The following PDE3A variants were observed in gnomAD, a reference collection of about 807,000 sequenced individuals.
PDE3A encodes the protein phosphodiesterase 3A.
PDE3A carries 43 observed loss-of-function variants against 98.3 expected under a neutral mutation model. That is an observed-to-expected ratio of 0.44 (90% CI 0.34 to 0.56). PDE3A has a LOEUF of 0.56. Among genes scored for constraint, PDE3A ranks in the 20% least tolerant of loss-of-function variants. The probability of loss-of-function intolerance (pLI) is 0.01; values close to 1 mark genes in which losing one functional copy is unlikely to be tolerated. For synonymous variants in PDE3A, 663 were observed against 567.9 expected (o/e 1.17, Z -2.38); for missense variants, 1,427 against 1,440.7 (o/e 0.99, Z 0.15).
chr12:20,545,387 C>T (rs1485123869), intron 1 of PDE3A, among the ~76,000 whole-genome samples: 1 of 151,922 alleles, frequency 6.6e-6, no homozygotes, highest in Non-Finnish European at 1.5e-5. Context: ...TTCTCATTCC[C>T]AGTGCTTATG....
At chr12:20,432,256 T>C (rs1233463384) in intron 1 of PDE3A, among the ~76,000 whole-genome samples, 4 of 152,164 alleles carry the variant, frequency 2.6e-5, no homozygotes, top group African/African-American at 9.7e-5. Flanking sequence ...GAATTCTTAC[T>C]ATGTTTCTGG....
At chr12:20,664,669 T>C (rs1945264262) in intron 15 of PDE3A, among the ~76,000 whole-genome samples, 1 of 152,190 alleles carries the variant, frequency 6.6e-6, no homozygotes, top group Non-Finnish European at 1.5e-5. Flanking sequence ...TTTCCTCTTT[T>C]GCTTGACTCT....
intron 15 of PDE3A, among the ~76,000 whole-genome samples, chr12:20,659,161 A>C (rs73238435): frequency 6.6e-6 from 1 of 151,430 alleles, no homozygotes. Flanking sequence ...GAATATCATA[A>C]TTTTTTTTTC....
intron 2 of PDE3A, among the ~76,000 whole-genome samples, chr12:20,591,948 T>G (rs1943348882): frequency 2.0e-5 from 3 of 152,192 alleles, no homozygotes; most frequent in African/African-American, 7.2e-5. Flanking sequence ...TTTTATGCAC[T>G]TCATTATGAT....
intron 1 of PDE3A, among the ~76,000 whole-genome samples, chr12:20,515,051 C>T (rs558520268): frequency 1.3e-3 from 191 of 152,246 alleles, no homozygotes; most frequent in East Asian, 3.9e-4. Flanking sequence ...AAGAGGGGGC[C>T]GAACTCATCC....
intron 1 of PDE3A, among the ~76,000 whole-genome samples, chr12:20,421,115 A>G (rs980466569): frequency 2.0e-5 from 3 of 152,220 alleles, no homozygotes; most frequent in Non-Finnish European, 4.4e-5. Flanking sequence ...GGATAGTTAT[A>G]TTAGACAAAA....
At chr12:20,498,100 A>T (rs903237588) in intron 1 of PDE3A, among the ~76,000 whole-genome samples, 2 of 152,178 alleles carry the variant, frequency 1.3e-5, no homozygotes, top group South Asian at 2.1e-4. Context: ...ACTATATCCT[A>T]TCATTTTTCC....
chr12:20,628,948 A>G (rs1242209499), intron 5 of PDE3A, among the ~76,000 whole-genome samples: 1 of 152,224 alleles, frequency 6.6e-6, no homozygotes, highest in African/African-American at 2.4e-5. Context: ...GATGATGTGA[A>G]GGTGGATGGC....
intron 1 of PDE3A, among the ~76,000 whole-genome samples, chr12:20,547,751 C>A: frequency 6.6e-6 from 1 of 151,906 alleles, no homozygotes; most frequent in East Asian, 1.9e-4. Flanking sequence ...TGAATTTTTT[C>A]TCCCGAGAAG....
chr12:20,506,094 A>G (rs1188809832), intron 1 of PDE3A, among the ~76,000 whole-genome samples: 1 of 111,866 alleles, frequency 8.9e-6, no homozygotes, highest in African/African-American at 4.1e-5. Context: ...GGAACTCTAA[A>G]GGAAGGTGTG....
intron 1 of PDE3A, among the ~76,000 whole-genome samples, chr12:20,448,324 C>T (rs1049242719): frequency 4.6e-5 from 7 of 152,102 alleles, no homozygotes; most frequent in Admixed American, 3.9e-4. Context: ...ACCTGTAATT[C>T]CAGCTACTCA....
intron 1 of PDE3A, among the ~76,000 whole-genome samples, chr12:20,494,695 C>T (rs1182072833): frequency 6.6e-6 from 1 of 152,068 alleles, no homozygotes; most frequent in East Asian, 1.9e-4. Flanking sequence ...TTATTTCCTG[C>T]TTTCCTACTT....
At position 20,685,371 on chromosome 12, in the gene PDE3A, T is replaced by G. The variant is rs1469830010; in HGVS notation, c.*5100T>G. 1.5e-5 allele frequency among the ~76,000 whole-genome samples: 2 copies of G among 134,640 alleles called. No individual in the cohort carries two copies. Among genetic ancestry groups the G allele is most frequent in the Admixed American group, 1.7e-4 (2 of 11,980 alleles). The allele number at this position is 134,640 out of a possible 152,430, so 88.3% of individuals were successfully genotyped here. A position where few individuals can be genotyped will look rare whatever the true frequency, so the allele number is the denominator to read the frequency against. On this transcript the variant is annotated 3_prime_UTR_variant, in exon 16 of 16. Transcript: ENST00000359062. The stretch of plus-strand genomic sequence containing the variant: ...TTATGGTGAGCTGAGATTGCACCAT[T>G]GCACTCCAGCCTGGGCAACAGGAGT...
At position 20,371,684 on chromosome 12, in the gene PDE3A, C is replaced by T. The variant is rs79611692; in HGVS notation, c.960+1440C>T. 1.6e-4 allele frequency among the ~76,000 whole-genome samples: 25 copies of T among 151,998 alleles called. No homozygotes were observed. The East Asian group carries it at 2.1e-3, about 13-fold the overall frequency. On this transcript the variant is annotated intron_variant, in intron 1 of 15. Transcript: ENST00000359062. ...AAATGTAGTTATTTGCTTTTTGTTT[C>T]GATAAAACAAATGTTTCTTGTCTTT...
chr12:20,415,113 C>A (rs1944401318), intron 1 of PDE3A, among the ~76,000 whole-genome samples: 1 of 150,178 alleles, frequency 6.7e-6, no homozygotes, highest in African/African-American at 2.4e-5. Context: ...TTGCTGATTT[C>A]TCCCTTTCTA....
At chr12:20,389,778 C>G (rs1217686860) in intron 1 of PDE3A, among the ~76,000 whole-genome samples, 1 of 151,930 alleles carries the variant, frequency 6.6e-6, no homozygotes, top group East Asian at 1.9e-4. Flanking sequence ...AAATTTAATG[C>G]TCAAATACTG....
chr12:20,591,906 A>C (rs557439226), intron 2 of PDE3A, among the ~76,000 whole-genome samples: 7 of 152,242 alleles, frequency 4.6e-5, no homozygotes, highest in Non-Finnish European at 8.8e-5. Flanking sequence ...ACATCAGTGA[A>C]TAAGTAAATG....
chr12:20,510,452 A>C (rs1022032183), intron 1 of PDE3A, among the ~76,000 whole-genome samples: 2 of 152,110 alleles, frequency 1.3e-5, no homozygotes, highest in Non-Finnish European at 2.9e-5. Context: ...CTGGAATATG[A>C]AGAAAAATAG....
chr12:20,653,940 T>C lies in PDE3A; in HGVS notation c.2926-7T>C. 2 of 1,613,066 alleles carry C rather than the reference T, an allele frequency of 1.2e-6. No homozygotes were observed. Among genetic ancestry groups the C allele is most frequent in the Non-Finnish European group, 1.7e-6 (2 of 1,179,464 alleles). ...GAATGTTGACTTCACTTGTATTTTA[T>C]TTCTAGGGTGATGAAGAGGCCAGCC... On this transcript the variant is annotated splice_region_variant and splice_polypyrimidine_tract_variant and intron_variant, in intron 14 of 15. Transcript: ENST00000359062.
Sources: allele counts gnomAD v4.1 joint callset (sites outside exome capture counted in the v4.1 genomes callset), GRCh38; gene constraint gnomAD v4.1.1; transcripts MANE v1.5; gene names NCBI Gene and HGNC (gene_info 2026-07-23, HGNC 2026-07-21).